The following THADA variants were observed in gnomAD, a reference collection of about 807,000 sequenced individuals.
THADA encodes the protein tRNA (32-2'-O)-methyltransferase regulator THADA.
THADA carries 213 observed loss-of-function variants against 219.8 expected under a neutral mutation model. That is an observed-to-expected ratio of 0.97 (90% CI 0.87 to 1.09). The LOEUF (loss-of-function observed/expected upper bound fraction) is 1.09, where lower values mean the gene tolerates loss of function less well. Ranked by LOEUF, THADA falls within the 50% of genes least tolerant of loss-of-function variation. THADA has a pLI of 0.00. For synonymous variants in THADA, 1,018 were observed against 828.9 expected, an observed-to-expected ratio of 1.23 and a Z score of -3.92; for missense variants, 2,956 against 2,311.3, an observed-to-expected ratio of 1.28 and a Z score of -5.72.
intron 30 of THADA, among the ~76,000 whole-genome samples, chr2:43,336,877 C>T (rs1412293413): frequency 2.6e-5 from 4 of 152,134 alleles, no homozygotes; most frequent in Non-Finnish European, 4.4e-5. Context: ...CGCGGCTGGG[C>T]GGGGGCCGTG....
At chr2:43,474,415 CTT>C in intron 26 of THADA, among the ~76,000 whole-genome samples, 1 of 152,288 alleles carries the variant, frequency 6.6e-6, no homozygotes, top group East Asian at 1.9e-4. Flanking sequence ...CAGCTTTCCA[CTT>C]TGTTTTAGAG....
intron 28 of THADA, among the ~76,000 whole-genome samples, chr2:43,420,648 G>C (rs931705335): frequency 2.0e-5 from 3 of 152,110 alleles, no homozygotes; most frequent in African/African-American, 7.2e-5. Context: ...TTCCATAAGA[G>C]GTGAACTCCT....
At chr2:43,350,984 T>C (rs546761165) in intron 29 of THADA, among the ~76,000 whole-genome samples, 6 of 152,258 alleles carry the variant, frequency 3.9e-5, no homozygotes, top group African/African-American at 1.4e-4. Flanking sequence ...AGGACTACAG[T>C]GTACAAAAAC....
At chr2:43,453,381 C>A (rs536382753) in intron 26 of THADA, among the ~76,000 whole-genome samples, 3 of 152,154 alleles carry the variant, frequency 2.0e-5, no homozygotes, top group African/African-American at 7.2e-5. Context: ...GATTTCCAGA[C>A]GGAGAGGGAA....
intron 22 of THADA, among the ~76,000 whole-genome samples, chr2:43,516,210 T>C (rs913421155): frequency 6.6e-6 from 1 of 152,192 alleles, no homozygotes; most frequent in Non-Finnish European, 1.5e-5. Context: ...TTATAGTCTA[T>C]TATCAACACA....
At position 43,556,691 on chromosome 2, in the gene THADA, G is replaced by A. The variant is rs543215716; in HGVS notation, c.2464-136C>T. 51 of 736,418 alleles carry A rather than the reference G, an allele frequency of 6.9e-5. No homozygotes were observed. In the African/African-American group the frequency reaches 8.7e-4, roughly 13 times the overall value. The allele number at this position is 736,418 out of a possible 1,614,324, so 45.6% of individuals were successfully genotyped here. On this transcript the variant is annotated intron_variant, in intron 16 of 37. Coordinates refer to ENST00000405975, the MANE Select transcript of THADA (RefSeq NM_022065.5). The stretch of plus-strand genomic sequence containing the variant: ...TAGAGTCCCAGCTACTCAAGAGGCT[G>A]ATGGAGGAGGATTACTTGAGGCCAG...
intron 7 of THADA, 86 bp from the exon 8 acceptor site, chr2:43,582,014 C>T (rs1321870583): frequency 2.1e-6 from 2 of 938,652 alleles, no homozygotes; most frequent in Non-Finnish European, 3.0e-6. Context: ...AAATACATTC[C>T]TCAAAGGCCC....
chr2:43,312,980 A>C (rs1677682211), intron 31 of THADA, among the ~76,000 whole-genome samples: 1 of 152,234 alleles, frequency 6.6e-6, no homozygotes. Context: ...AAATAATCAA[A>C]GCAGGTGTTT....
chr2:43,367,492 T>C (rs1670299176), intron 29 of THADA, among the ~76,000 whole-genome samples: 1 of 152,212 alleles, frequency 6.6e-6, no homozygotes, highest in African/African-American at 2.4e-5. Context: ...GAACTACACG[T>C]TTACCTAACA....
intron 22 of THADA, among the ~76,000 whole-genome samples, chr2:43,511,181 C>T (rs897548687): frequency 3.3e-5 from 5 of 151,992 alleles, no homozygotes; most frequent in African/African-American, 4.8e-5. Flanking sequence ...AGTCTAAGGT[C>T]GTCTCCTGTA....
At chr2:43,305,203 G>A (rs995334126) in intron 31 of THADA, among the ~76,000 whole-genome samples, 1 of 151,472 alleles carries the variant, frequency 6.6e-6, no homozygotes. Context: ...GAAACCATAG[G>A]AACAACAACA....
intron 36 of THADA, among the ~76,000 whole-genome samples, chr2:43,237,053 T>C (rs1344696178): frequency 4.1e-5 from 5 of 123,138 alleles, no homozygotes; most frequent in Non-Finnish European, 6.5e-5. Flanking sequence ...GCCTGGGTGA[T>C]GGAGCAAGAC....
chr2:43,494,204 G>C (rs998920688), intron 25 of THADA, among the ~76,000 whole-genome samples: 2 of 152,222 alleles, frequency 1.3e-5, no homozygotes, highest in Non-Finnish European at 2.9e-5. Flanking sequence ...ATATTGGGCT[G>C]TTCCAAAAGG....
intron 17 of THADA, 133 bp downstream of exon 17, chr2:43,556,212 C>G (rs1697322452): frequency 1.4e-6 from 2 of 1,469,478 alleles, no homozygotes; most frequent in East Asian, 2.3e-5. Flanking sequence ...AATGAGAACC[C>G]ATGGTGCTCT....
intron 1 of THADA, among the ~76,000 whole-genome samples, chr2:43,594,754 C>G (rs1335228876): frequency 6.6e-6 from 1 of 152,178 alleles, no homozygotes; most frequent in Non-Finnish European, 1.5e-5. Flanking sequence ...AGAGGCTTTA[C>G]ACTTCTCAGT....
chr2:43,507,357 A>G (rs183906853), intron 23 of THADA, among the ~76,000 whole-genome samples: 13 of 152,352 alleles, frequency 8.5e-5, no homozygotes, highest in Admixed American at 8.5e-4. Context: ...CAGAGCTGAA[A>G]GAAGCACACT....
chr2:43,278,919 C>T (rs1181689561), intron 36 of THADA, among the ~76,000 whole-genome samples: 2 of 152,172 alleles, frequency 1.3e-5, no homozygotes, highest in Non-Finnish European at 2.9e-5. Context: ...TGATCCCTTG[C>T]CTCAAAACAG....
intron 31 of THADA, among the ~76,000 whole-genome samples, chr2:43,316,202 T>C (rs1391211848): frequency 3.3e-5 from 5 of 152,224 alleles, no homozygotes; most frequent in African/African-American, 1.2e-4. Context: ...AAGGAAGTCT[T>C]TCCTGTCCTC....
intron 10 of THADA, 58 bp downstream of exon 10, chr2:43,576,964 C>G: frequency 6.8e-7 from 1 of 1,474,820 alleles, no homozygotes; most frequent in African/African-American, 1.4e-5. Flanking sequence ...TTTTGGACTG[C>G]ATCTTCTAAA....
Sources: gnomAD v4.1 joint callset for allele counts (sites outside exome capture counted in the v4.1 genomes callset) on GRCh38, gnomAD v4.1.1 for gene constraint, MANE v1.5 for transcripts, NCBI Gene and HGNC (gene_info 2026-07-23, HGNC 2026-07-21) for gene names.